Variants in EIF4G3 observed in about 807,000 individuals in gnomAD.
EIF4G3 encodes the protein eukaryotic translation initiation factor 4 gamma 3, also known as eIF-4-gamma 3.
Under a neutral mutation model 186.4 loss-of-function variants are expected in EIF4G3, and 34 were observed. The observed-to-expected ratio is 0.18, with a 90% CI of 0.14 to 0.24. The LOEUF (loss-of-function observed/expected upper bound fraction) is 0.24, where lower values mean the gene tolerates loss of function less well. EIF4G3 is among the 10% of genes least tolerant of loss of function. The pLI, the probability that EIF4G3 is intolerant of heterozygous loss-of-function variation, is 1.00. For missense variants in EIF4G3, 1,536 were observed against 1,948.5 expected (o/e 0.79, Z 3.99); for synonymous variants, 673 against 679.5 (o/e 0.99, Z 0.15).
chr1:21,111,834 T>A (rs2096732534), intron 2 of EIF4G3, among the ~76,000 whole-genome samples: 1 of 152,204 alleles, frequency 6.6e-6, no homozygotes, highest in South Asian at 2.1e-4. Context: ...TAACAGCTAT[T>A]CCCAAGGTGA....
At chr1:20,872,711 G>GT (rs2079553246) in intron 20 of EIF4G3, among the ~76,000 whole-genome samples, 2 of 119,204 alleles carry the variant, frequency 1.7e-5, no homozygotes, top group Admixed American at 1.7e-4. Context: ...TAACTTTCTT[G>GT]CCTTTTTTTT....
intron 30 of EIF4G3, among the ~76,000 whole-genome samples, chr1:20,838,759 C>T (rs529865155): frequency 6.6e-6 from 1 of 152,248 alleles, no homozygotes; most frequent in Non-Finnish European, 1.5e-5. Flanking sequence ...TGGCTTACTG[C>T]AGTCTGGACC....
intron 3 of EIF4G3, among the ~76,000 whole-genome samples, chr1:21,068,375 T>TAAAAAAAAAAAAAAAAAAAAAAAAAAA (rs869306512): frequency 1.6e-4 from 11 of 67,832 alleles, no homozygotes; most frequent in East Asian, 4.1e-4. Context: ...ACTCTGTCTT[T>TAAAAAAAAAAAAAAAAAAAAAAAAAAA]AAAAAAAAAA....
At chr1:21,148,906 A>G (rs968818067) in intron 2 of EIF4G3, among the ~76,000 whole-genome samples, 1 of 152,020 alleles carries the variant, frequency 6.6e-6, no homozygotes, top group Non-Finnish European at 1.5e-5. Flanking sequence ...CTATAAAGCC[A>G]TTAAAGATGC....
intron 2 of EIF4G3, among the ~76,000 whole-genome samples, chr1:21,157,875 G>A (rs572649352): frequency 6.6e-6 from 1 of 152,098 alleles, no homozygotes; most frequent in East Asian, 1.9e-4. Context: ...TTTTCACTCA[G>A]TTGAGCCTGC....
intron 26 of EIF4G3, among the ~76,000 whole-genome samples, chr1:20,854,765 A>G (rs2074401587): frequency 6.6e-6 from 1 of 151,898 alleles, no homozygotes; most frequent in Admixed American, 6.6e-5. Context: ...TAAATAGTCT[A>G]AATGAATGAA....
At chr1:21,103,717 G>C (rs958347525) in intron 2 of EIF4G3, among the ~76,000 whole-genome samples, 7 of 152,054 alleles carry the variant, frequency 4.6e-5, no homozygotes, top group African/African-American at 1.4e-4. Flanking sequence ...GGTGGCATGT[G>C]TCTGTAGTCC....
At chr1:21,110,055 T>C (rs1473968560) in intron 2 of EIF4G3, among the ~76,000 whole-genome samples, 1 of 152,176 alleles carries the variant, frequency 6.6e-6, no homozygotes, top group African/African-American at 2.4e-5. Flanking sequence ...CCCAAAGTGC[T>C]AGGATTACAG....
chr1:21,054,331 G>GTGGAAGGC (rs546464445), intron 3 of EIF4G3, among the ~76,000 whole-genome samples: 4 of 95,780 alleles, frequency 4.2e-5, no homozygotes, highest in African/African-American at 6.7e-5. Flanking sequence ...CACAAACACT[G>GTGGAAGGC]CGGAAGGCCG....
rs150133514 is a variant in EIF4G3, at chr1:20,933,593, T to A, written c.1663+7898A>T. On this transcript the variant is annotated intron_variant, in intron 14 of 36. Coordinates refer to ENST00000602326, the MANE Select transcript of EIF4G3 (RefSeq NM_001391906.1). ...TCACTTGAACCTGGGAGGCGGAAGG[T>A]TGCAGTGAGCTGAGATCACACCACC... Among the ~76,000 whole-genome samples the A allele has an allele frequency of 6.3e-3, 964 of 151,958 alleles. 2 individuals carry two copies. The highest frequency in any genetic ancestry group is 0.011 in the Admixed American group (175 of 15,256).
At chr1:21,101,867 G>A (rs1262069570) in intron 2 of EIF4G3, among the ~76,000 whole-genome samples, 1 of 151,996 alleles carries the variant, frequency 6.6e-6, no homozygotes, top group Non-Finnish European at 1.5e-5. Context: ...AGTACACCCA[G>A]ACCTTCAGAG....
chr1:21,123,094 A>C (rs547524035), intron 2 of EIF4G3, among the ~76,000 whole-genome samples: 2 of 152,236 alleles, frequency 1.3e-5, no homozygotes, highest in East Asian at 3.9e-4. Flanking sequence ...ATGGTAAATT[A>C]TCAAAATATT....
At chr1:21,003,294 T>G (rs1007425406) in intron 4 of EIF4G3, among the ~76,000 whole-genome samples, 1 of 151,986 alleles carries the variant, frequency 6.6e-6, no homozygotes, top group South Asian at 2.1e-4. Flanking sequence ...TTTTTAATTT[T>G]TTTTAAGAGA....
chr1:21,110,358 C>A (rs991434174), intron 2 of EIF4G3, among the ~76,000 whole-genome samples: 4 of 151,354 alleles, frequency 2.6e-5, no homozygotes, highest in Non-Finnish European at 5.9e-5. Flanking sequence ...TGCAGTGACG[C>A]AATCGCGGCT....
chr1:21,020,350 C>T (rs2154570771), intron 4 of EIF4G3, among the ~76,000 whole-genome samples: 1 of 152,158 alleles, frequency 6.6e-6, no homozygotes, highest in East Asian at 1.9e-4. Flanking sequence ...ATTACCCAGG[C>T]ATGGTGGTGC....
intron 2 of EIF4G3, chr1:21,111,406 G>A (rs1469761770): frequency 2.1e-6 from 1 of 471,346 alleles, no homozygotes. Context: ...AGCAAAATAA[G>A]GCTTATGATG....
At chr1:21,142,162 C>T (rs2102671891) in intron 2 of EIF4G3, among the ~76,000 whole-genome samples, 2 of 150,612 alleles carry the variant, frequency 1.3e-5, no homozygotes, top group Admixed American at 1.3e-4. Flanking sequence ...CTAGGCAACA[C>T]AGTTAGACCT....
chr1:20,984,089 A>G (rs1255754487), intron 7 of EIF4G3, among the ~76,000 whole-genome samples: 1 of 152,214 alleles, frequency 6.6e-6, no homozygotes, highest in Non-Finnish European at 1.5e-5. Context: ...CAGTGTTTCT[A>G]ATGATATTCC....
intron 6 of EIF4G3, among the ~76,000 whole-genome samples, chr1:21,000,167 TA>T (rs910322155): frequency 5.3e-5 from 8 of 150,236 alleles, no homozygotes; most frequent in African/African-American, 2.0e-4. Flanking sequence ...AAAGTTCCAG[TA>T]AAACGAGAAA....
Sources: allele counts gnomAD v4.1 joint callset (sites outside exome capture counted in the v4.1 genomes callset), GRCh38; gene constraint gnomAD v4.1.1; transcripts MANE v1.5; gene names NCBI Gene and HGNC (gene_info 2026-07-23, HGNC 2026-07-21).